ITGA1: variants seen among roughly 807,000 people sequenced by gnomAD.
ITGA1 encodes the protein integrin alpha-1.
Under a neutral mutation model 145.9 loss-of-function variants are expected in ITGA1, and 85 were observed. That is an observed-to-expected ratio of 0.58 (90% CI 0.49 to 0.70). ITGA1 has a LOEUF of 0.70. Among genes scored for constraint, ITGA1 ranks in the 30% least tolerant of loss-of-function variants. The pLI, the probability that ITGA1 is intolerant of heterozygous loss-of-function variation, is 0.00. For synonymous variants in ITGA1, 520 were observed against 495.3 expected, an observed-to-expected ratio of 1.05 and a Z score of -0.66; for missense variants, 1,351 against 1,418.7, an observed-to-expected ratio of 0.95 and a Z score of 0.77.
chr5:52,892,558 A>G (rs2406369), intron 8 of ITGA1, among the ~76,000 whole-genome samples: 75,005 of 152,028 alleles, frequency 0.49, 18,718 homozygotes, highest in East Asian at 0.58. Context: ...GTGAATATTT[A>G]CAGCAGCATT....
At chr5:52,947,552 G>C in intron 28 of ITGA1, 91 bp downstream of exon 28, 1 of 731,780 alleles carries the variant, frequency 1.4e-6, no homozygotes, top group Non-Finnish European at 2.4e-6. Context: ...ATGTAATATA[G>C]TATTATTACA....
intron 2 of ITGA1, among the ~76,000 whole-genome samples, chr5:52,852,264 C>A (rs1011292839): frequency 6.6e-6 from 1 of 151,930 alleles, no homozygotes; most frequent in Non-Finnish European, 1.5e-5. Context: ...AAGATGAGGA[C>A]GTTGAGAAGC....
intron 26 of ITGA1, among the ~76,000 whole-genome samples, chr5:52,941,369 A>G (rs1353428416): frequency 6.6e-6 from 1 of 152,170 alleles, no homozygotes; most frequent in Non-Finnish European, 1.5e-5. Context: ...CCACTGGCTG[A>G]ACTAATTTAC....
At chr5:52,815,718 A>G (rs1748756162) in intron 1 of ITGA1, among the ~76,000 whole-genome samples, 1 of 152,182 alleles carries the variant, frequency 6.6e-6, no homozygotes, top group Non-Finnish European at 1.5e-5. Context: ...CTACTTAGCA[A>G]TCATCTTTTC....
intron 1 of ITGA1, among the ~76,000 whole-genome samples, chr5:52,809,924 G>A (rs1332250260): frequency 6.6e-6 from 1 of 152,138 alleles, no homozygotes; most frequent in Non-Finnish European, 1.5e-5. Flanking sequence ...TGGAGAAGGA[G>A]ATTCCATTAC....
chr5:52,801,462 T>C, intron 1 of ITGA1: 3 of 1,614,064 alleles, frequency 1.9e-6, no homozygotes, highest in Non-Finnish European at 2.5e-6. Flanking sequence ...TTTGTGACCC[T>C]ACTGTGGCTA....
chr5:52,803,316 A>G (rs1748525423), intron 1 of ITGA1: 1 of 135,912 alleles, frequency 7.4e-6, no homozygotes, highest in Non-Finnish European at 1.7e-5. Flanking sequence ...TCATTTCATT[A>G]TAATTCCGTG....
At chr5:52,860,063 C>A (rs961699761) in intron 2 of ITGA1, among the ~76,000 whole-genome samples, 2 of 152,048 alleles carry the variant, frequency 1.3e-5, no homozygotes, top group African/African-American at 4.8e-5. Context: ...TGCAGCTGAG[C>A]GAAGTTATTT....
At position 52,840,851 on chromosome 5, in the gene ITGA1, C is replaced by T. The variant is rs144549423; in HGVS notation, c.62-8514C>T. Among the ~76,000 whole-genome samples the T allele has an allele frequency of 2.0e-3, 298 of 152,268 alleles. 1 individual carries two copies. The highest frequency in any genetic ancestry group is 2.6e-3 in the Non-Finnish European group (179 of 68,018). ...TTTCTTTTGATTTATTCCATCCTGT[C>T]CCATTTAACAAACTTGTATTAAACA... On this transcript the variant is annotated intron_variant, in intron 1 of 28. Coordinates refer to ENST00000282588, the MANE Select transcript of ITGA1 (RefSeq NM_181501.2).
At position 52,849,445 on chromosome 5, in the gene ITGA1, G is replaced by T. The variant is rs1171609520; in HGVS notation, c.142G>T (p.Gly48Ter). 1 of 1,611,058 alleles carries T rather than the reference G, an allele frequency of 6.2e-7. No individual in the cohort carries two copies. The highest frequency in any genetic ancestry group is 8.5e-7 in the Non-Finnish European group (1 of 1,178,818). ...TFSGPVEDMF[G>*]YTVQQYENEE... The stretch of plus-strand genomic sequence containing the variant: ...CAGCGGCCCGGTGGAAGACATGTTT[G>T]GATATACTGTTCAACAATATGAAAA... Residue 48 changes from glycine (G) to a stop codon, truncating the protein, a stop_gained, in exon 2 of 29, where the codon GGA becomes TGA. Coordinates refer to ENST00000282588, the MANE Select transcript of ITGA1 (RefSeq NM_181501.2). LOFTEE classifies it high-confidence loss of function.
At chr5:52,940,487 C>A (rs1187256762) in intron 26 of ITGA1, among the ~76,000 whole-genome samples, 1 of 150,792 alleles carries the variant, frequency 6.6e-6, no homozygotes, top group African/African-American at 2.4e-5. Flanking sequence ...CAGCTCACTG[C>A]AAGCTCCACC....
At chr5:52,841,018 C>T (rs1194795120) in intron 1 of ITGA1, among the ~76,000 whole-genome samples, 3 of 152,178 alleles carry the variant, frequency 2.0e-5, no homozygotes, top group Admixed American at 2.0e-4. Context: ...AAAGTCAAAA[C>T]AATTCGCTTG....
intron 6 of ITGA1, among the ~76,000 whole-genome samples, chr5:52,879,347 G>A (rs553412389): frequency 6.6e-6 from 1 of 152,262 alleles, no homozygotes; most frequent in African/African-American, 2.4e-5. Context: ...AAAGCAAACT[G>A]TAAGATGTCC....
chr5:52,902,708 G>A (rs890962385), intron 11 of ITGA1: 2 of 152,062 alleles, frequency 1.3e-5, no homozygotes, highest in African/African-American at 4.8e-5. Flanking sequence ...TGAGTAACTG[G>A]GATTACAGGC....
rs993698982 is a variant in ITGA1, at chr5:52,956,955, A to T, written c.*4504A>T. The T allele has an allele frequency of 6.6e-6, 1 of 152,212 alleles. No homozygotes were observed. The highest frequency in any genetic ancestry group is 2.4e-5 in the African/African-American group (1 of 41,446). The allele number at this position is 152,212 out of a possible 1,614,324, so 9.4% of individuals were successfully genotyped here. The stretch of plus-strand genomic sequence containing the variant: ...GGTATTAATTGTTAACTGCAGTGAA[A>T]GGAAACCAAGGCACATTACAAAAGG... On this transcript the variant is annotated 3_prime_UTR_variant, in exon 29 of 29. Coordinates refer to ENST00000282588, the MANE Select transcript of ITGA1 (RefSeq NM_181501.2).
intron 9 of ITGA1, among the ~76,000 whole-genome samples, chr5:52,894,857 G>A (rs1750202072): frequency 6.6e-6 from 1 of 152,146 alleles, no homozygotes; most frequent in Non-Finnish European, 1.5e-5. Flanking sequence ...TGAGCGTCAA[G>A]GGGCTGGGAA....
chr5:52,873,335 T>A (rs1235974173), intron 6 of ITGA1, among the ~76,000 whole-genome samples: 2 of 152,152 alleles, frequency 1.3e-5, no homozygotes, highest in Non-Finnish European at 2.9e-5. Context: ...ACAAACACAG[T>A]GAATTAACTT....
intron 1 of ITGA1, among the ~76,000 whole-genome samples, chr5:52,793,838 G>A (rs942797318): frequency 6.6e-6 from 1 of 151,978 alleles, no homozygotes; most frequent in African/African-American, 2.4e-5. Context: ...TCAGGAGAAA[G>A]GTGACAATAA....
Position 52,809,502 on chromosome 5 carries a change from C to CTT in ITGA1, c.61+21106_61+21107dup, listed in dbSNP as rs59067853. 1.4e-3 allele frequency among the ~76,000 whole-genome samples: 172 copies of CTT among 122,368 alleles called. 2 individuals carry two copies. The highest frequency in any genetic ancestry group is 4.6e-3 in the Middle Eastern group (1 of 218). 80.3% of individuals were successfully genotyped at this position (122,368 alleles called of 152,430 possible). A position where few individuals can be genotyped will look rare whatever the true frequency, so the allele number is the denominator to read the frequency against. On this transcript the variant is annotated intron_variant, in intron 1 of 28. Transcript: ENST00000282588. Reference sequence around the variant, plus strand: ...CCTCTTTTAAGGCCTCTCAACTTTACTTTTTTTTTTTTTTTTTTTGGAGAC... The same window carrying CTT: ...CCTCTTTTAAGGCCTCTCAACTTTACTTTTTTTTTTTTTTTTTTTTTGGAGAC...
Sources: gnomAD v4.1 joint callset for allele counts (sites outside exome capture counted in the v4.1 genomes callset) on GRCh38, gnomAD v4.1.1 for gene constraint, MANE v1.5 for transcripts, NCBI Gene and HGNC (gene_info 2026-07-23, HGNC 2026-07-21) for gene names.